TENM4: variants seen among roughly 807,000 people sequenced by gnomAD.
TENM4 encodes the protein teneurin transmembrane protein 4, also known as teneurin-4.
In TENM4, 82 loss-of-function variants were observed where a neutral mutation model predicts 243.3. The observed-to-expected ratio is 0.34, with a 90% CI of 0.28 to 0.40. The LOEUF is 0.40. Ranked by LOEUF, TENM4 falls within the 10% of genes least tolerant of loss-of-function variation. The probability of loss-of-function intolerance (pLI) is 1.00; values close to 1 mark genes in which losing one functional copy is unlikely to be tolerated. For missense variants in TENM4, 3,138 were observed against 3,673.3 expected (o/e 0.85, Z 3.77); for synonymous variants, 1,412 against 1,456.3 (o/e 0.97, Z 0.69).
chr11:79,290,338 T>G (rs1473928352), intron 2 of TENM4, among the ~76,000 whole-genome samples: 1 of 152,232 alleles, frequency 6.6e-6, no homozygotes, highest in Non-Finnish European at 1.5e-5. Context: ...TTTATAAACA[T>G]AGCAACTCTT....
intron 3 of TENM4, among the ~76,000 whole-genome samples, chr11:79,168,098 G>T (rs1328724416): frequency 6.6e-6 from 1 of 152,258 alleles, no homozygotes; most frequent in Non-Finnish European, 1.5e-5. Context: ...TGATGCTGAA[G>T]TCTGCTGCTG....
chr11:79,257,050 A>T (rs1245721737), intron 2 of TENM4, among the ~76,000 whole-genome samples: 1 of 152,176 alleles, frequency 6.6e-6, no homozygotes. Flanking sequence ...TGAGAGACAG[A>T]GCAGTGAATG....
chr11:78,875,529 A>C (rs931134541), intron 9 of TENM4, among the ~76,000 whole-genome samples: 1 of 152,148 alleles, frequency 6.6e-6, no homozygotes, highest in Non-Finnish European at 1.5e-5. Flanking sequence ...GCAAGGAGCT[A>C]CTTGCATCCT....
At chr11:79,331,310 G>C (rs1590885598) in intron 1 of TENM4, among the ~76,000 whole-genome samples, 1 of 152,196 alleles carries the variant, frequency 6.6e-6, no homozygotes, top group Middle Eastern at 3.4e-3. Context: ...CTTGGAGTAA[G>C]AGTCTTGAGT....
intron 12 of TENM4, among the ~76,000 whole-genome samples, chr11:78,841,392 C>T (rs1858255524): frequency 6.6e-6 from 1 of 152,196 alleles, no homozygotes; most frequent in African/African-American, 2.4e-5. Flanking sequence ...AGGGAACACA[C>T]ACAATTTAGG....
chr11:78,661,674 AGCT>A, intron 32 of TENM4, 83 bp from the exon 33 acceptor site: 1 of 1,536,304 alleles, frequency 6.5e-7, no homozygotes, highest in South Asian at 1.2e-5. Context: ...GCCTACAGTT[AGCT>A]GCAGGGTGTG....
At chr11:78,811,569 AACACAC>A (rs749041202) in intron 14 of TENM4, among the ~76,000 whole-genome samples, 81 of 65,114 alleles carry the variant, frequency 1.2e-3, no homozygotes, top group Non-Finnish European at 7.8e-4. Flanking sequence ...CATACACATG[AACACAC>A]ACACACACAC....
intron 1 of TENM4, among the ~76,000 whole-genome samples, chr11:79,424,625 C>A: frequency 7.4e-6 from 1 of 135,976 alleles, no homozygotes; most frequent in Admixed American, 7.2e-5. Flanking sequence ...AGAACCAGAC[C>A]CTGTCTCCAA....
intron 3 of TENM4, among the ~76,000 whole-genome samples, chr11:79,166,617 A>T (rs972449524): frequency 6.6e-6 from 1 of 152,202 alleles, no homozygotes; most frequent in African/African-American, 2.4e-5. Flanking sequence ...GCTTCATTTA[A>T]TTCAGGAGGA....
intron 6 of TENM4, among the ~76,000 whole-genome samples, chr11:78,941,776 G>A (rs1291925191): frequency 1.3e-5 from 2 of 152,210 alleles, no homozygotes; most frequent in Non-Finnish European, 2.9e-5. Flanking sequence ...CCCTGAAATG[G>A]GCAGAGAGCT....
chr11:79,238,328 G>A (rs1864517557), intron 2 of TENM4, among the ~76,000 whole-genome samples: 1 of 152,164 alleles, frequency 6.6e-6, no homozygotes, highest in Non-Finnish European at 1.5e-5. Flanking sequence ...GTGTCTGTGA[G>A]GGTGTTTCTG....
chr11:78,657,253 G>A lies in TENM4; in HGVS notation c.*805C>T. 1 of 398,652 alleles carries A rather than the reference G, an allele frequency of 2.5e-6. No homozygotes were observed. The highest frequency in any genetic ancestry group is 4.4e-6 in the Non-Finnish European group (1 of 226,172). 24.7% of individuals were successfully genotyped at this position (398,652 alleles called of 1,614,324 possible). On this transcript the variant is annotated 3_prime_UTR_variant, in exon 34 of 34. Transcript: ENST00000278550. ...ATCCTGGGTGCTTTCCCTCCCGGGA[G>A]GATGGGACTCTGAGCCCAGGATGTT...
intron 16 of TENM4, among the ~76,000 whole-genome samples, chr11:78,782,404 C>A (rs961508787): frequency 6.6e-6 from 1 of 151,776 alleles, no homozygotes; most frequent in Non-Finnish European, 1.5e-5. Context: ...TTGAGATCAG[C>A]GTGACCAACA....
At chr11:78,959,015 C>T (rs1043071905) in intron 6 of TENM4, among the ~76,000 whole-genome samples, 1 of 152,206 alleles carries the variant, frequency 6.6e-6, no homozygotes, top group African/African-American at 2.4e-5. Context: ...GCAACCAATG[C>T]TTTCAGAGGT....
chr11:79,239,270 C>T (rs1231498350), intron 2 of TENM4, among the ~76,000 whole-genome samples: 4 of 152,150 alleles, frequency 2.6e-5, no homozygotes, highest in Non-Finnish European at 5.9e-5. Context: ...TGAAGAAACA[C>T]GACAGGAAGC....
chr11:78,724,221 A>G (rs1855463669), intron 23 of TENM4, among the ~76,000 whole-genome samples: 3 of 152,124 alleles, frequency 2.0e-5, no homozygotes. Flanking sequence ...AGTAGCTGGG[A>G]CCACAAGCAT....
At chr11:79,025,882 C>T (rs555160203) in intron 6 of TENM4, among the ~76,000 whole-genome samples, 39 of 152,218 alleles carry the variant, frequency 2.6e-4, no homozygotes, top group Non-Finnish European at 1.9e-4. Flanking sequence ...GTGTGTGCTA[C>T]GGGGCTGGCT....
intron 7 of TENM4, among the ~76,000 whole-genome samples, chr11:78,894,563 T>C (rs1248447934): frequency 6.6e-6 from 1 of 152,038 alleles, no homozygotes; most frequent in Non-Finnish European, 1.5e-5. Context: ...GGGGAAGAGG[T>C]GATGCAACAG....
intron 9 of TENM4, among the ~76,000 whole-genome samples, chr11:78,885,599 A>C (rs2136282906): frequency 6.6e-6 from 1 of 152,354 alleles, no homozygotes; most frequent in South Asian, 2.1e-4. Context: ...TGGTGGCACA[A>C]GTTTCTCAAG....
Sources: gnomAD v4.1 joint callset for allele counts (sites outside exome capture counted in the v4.1 genomes callset) on GRCh38, gnomAD v4.1.1 for gene constraint, MANE v1.5 for transcripts, NCBI Gene and HGNC (gene_info 2026-07-23, HGNC 2026-07-21) for gene names.